Variants in UROC1 observed in about 807,000 individuals in gnomAD.
The protein encoded by UROC1 is urocanate hydratase 1, also known as urocanate hydratase.
A neutral mutation model predicts 89.5 loss-of-function variants in UROC1; 79 were observed. The observed-to-expected ratio is 0.88, with a 90% CI of 0.74 to 1.06. UROC1 has a LOEUF of 1.06. Among genes scored for constraint, UROC1 ranks in the 50% least tolerant of loss-of-function variants. The pLI, the probability that UROC1 is intolerant of heterozygous loss-of-function variation, is 0.00. For missense variants in UROC1, 885 were observed against 907.8 expected, an observed-to-expected ratio of 0.97 and a Z score of 0.32; for synonymous variants, 361 against 354.8, an observed-to-expected ratio of 1.02 and a Z score of -0.20.
chr3:126,517,757 G>A lies in UROC1; in HGVS notation c.-38C>T. On this transcript the variant is annotated 5_prime_UTR_variant, in exon 1 of 20. Coordinates refer to ENST00000290868, the MANE Select transcript of UROC1 (RefSeq NM_144639.3). ...TGGAGGCAGAGGCCAGCACTGTGGGGAGGCCAGGAAGAGACTGGGCAGATA... is the reference window on the plus strand; with the variant it reads ...TGGAGGCAGAGGCCAGCACTGTGGGAAGGCCAGGAAGAGACTGGGCAGATA... 1.3e-6 allele frequency: 2 copies of A among 1,552,676 alleles called. No individual in the cohort carries two copies. Among genetic ancestry groups the A allele is most frequent in the Non-Finnish European group, 1.7e-6 (2 of 1,148,764 alleles).
Position 126,482,011 on chromosome 3 carries a change from G to A in UROC1, c.*334C>T. On this transcript the variant is annotated 3_prime_UTR_variant, in exon 20 of 20. Transcript: ENST00000290868. ...GGCTGGCAGGTGGCCAGGAAGCAGAGGGTGTGATCATCCCAGCCGGAGAGA... is the reference window on the plus strand; with the variant it reads ...GGCTGGCAGGTGGCCAGGAAGCAGAAGGTGTGATCATCCCAGCCGGAGAGA... The A allele has an allele frequency of 2.8e-6, 1 of 359,424 alleles. No individual in the cohort carries two copies. The highest frequency in any genetic ancestry group is 3.2e-5 in the South Asian group (1 of 31,392). The allele number at this position is 359,424 out of a possible 1,614,324, so 22.3% of individuals were successfully genotyped here. A position where few individuals can be genotyped will look rare whatever the true frequency, so the allele number is the denominator to read the frequency against.
Position 126,502,062 on chromosome 3 carries a change from G to GTATGTGTA in UROC1, c.903-790_903-783dup, listed in dbSNP as rs1343239029. ...GACAGTTCCTTAAACTGATTTTGAT[G>GTATGTGTA]TATGTGTATGTGTGTGTGTTCATGT... On this transcript the variant is annotated intron_variant, in intron 9 of 19. Transcript: ENST00000290868. The GTATGTGTA allele has an allele frequency of 8.1e-6, 9 of 1,111,262 alleles. No individual in the cohort carries two copies. The African/African-American group carries it at 9.7e-5, about 12-fold the overall frequency. 68.8% of individuals were successfully genotyped at this position (1,111,262 alleles called of 1,614,324 possible).
chr3:126,510,675 G>A lies in UROC1; in HGVS notation c.246C>T (p.Asp82=). The A allele has an allele frequency of 6.2e-7, 1 of 1,614,104 alleles. No homozygotes were observed. Among genetic ancestry groups the A allele is most frequent in the Non-Finnish European group, 8.5e-7 (1 of 1,180,040 alleles). ...CCCACAAGGCTGACCTCATTTCAAT[G>A]TCGGGGCAAAACCGGTACATGTAGA... is the stretch of plus-strand genomic sequence containing the variant. The part of the protein sequence containing the change: ...GHIYMYRFCP[D]IEMRAYPIEQ... The change falls in exon 2 of 20, where the codon GAC becomes GAT. Residue 82 remains aspartate (D), a synonymous_variant. Transcript: ENST00000290868.
At chr3:126,490,041 A>G (rs1935607160) in intron 16 of UROC1, among the ~76,000 whole-genome samples, 1 of 152,046 alleles carries the variant, frequency 6.6e-6, no homozygotes, top group Non-Finnish European at 1.5e-5. Context: ...CTGGGGGAGT[A>G]TTTGGCAGTA....
At chr3:126,512,791 T>A (rs368615399) in intron 1 of UROC1, among the ~76,000 whole-genome samples, 1 of 152,224 alleles carries the variant, frequency 6.6e-6, no homozygotes, top group East Asian at 1.9e-4. Flanking sequence ...TAGTCTTGTA[T>A]GTAATAGTTG....
chr3:126,507,820 G>T lies in UROC1; in HGVS notation c.541-17C>A, dbSNP rs373943151. 5.6e-6 allele frequency: 9 copies of T among 1,613,988 alleles called. No homozygotes were observed. Among genetic ancestry groups the T allele is most frequent in the Non-Finnish European group, 5.9e-6 (7 of 1,180,000 alleles). On this transcript the variant is annotated splice_polypyrimidine_tract_variant and intron_variant, in intron 5 of 19. Coordinates refer to ENST00000290868, the MANE Select transcript of UROC1 (RefSeq NM_144639.3). ...GGGAATGACCTGGAGAAGAGGATGG[G>T]GGCAGACAGAGGGGCTGAGGGCTTG...
Position 126,507,815 on chromosome 3 carries a change from G to A in UROC1, c.541-12C>T, listed in dbSNP as rs1354794721. 6.2e-7 allele frequency: 1 copy of A among 1,614,008 alleles called. No homozygotes were observed. The highest frequency in any genetic ancestry group is 8.5e-7 in the Non-Finnish European group (1 of 1,180,018). ...TAGTTGGGAATGACCTGGAGAAGAG[G>A]ATGGGGGCAGACAGAGGGGCTGAGG... is the stretch of plus-strand genomic sequence containing the variant. On this transcript the variant is annotated splice_polypyrimidine_tract_variant and intron_variant, in intron 5 of 19. Transcript: ENST00000290868.
At chr3:126,502,808 T>TGTATGTGTGCTTATGTGTG (rs1318463502) in intron 9 of UROC1, among the ~76,000 whole-genome samples, 4 of 151,806 alleles carry the variant, frequency 2.6e-5, no homozygotes, top group Non-Finnish European at 5.9e-5. Context: ...GTGTTCTCTG[T>TGTATGTGTGCTTATGTGTG]GTATGTGTGC....
At position 126,492,386 on chromosome 3, in the gene UROC1, G is replaced by A. The variant is rs766428192; in HGVS notation, c.1608+32C>T. 8.2e-6 allele frequency: 13 copies of A among 1,594,978 alleles called. No individual in the cohort carries two copies. The East Asian group carries it at 1.4e-4, about 17-fold the overall frequency. On this transcript the variant is annotated intron_variant, in intron 16 of 19. Transcript: ENST00000290868. ...GGAAAGGCAGTGGGAAGAGGCTGAG[G>A]GATGCTTCCCCCAGAGCACAGGACA...
At position 126,500,821 on chromosome 3, in the gene UROC1, C is replaced by T; in HGVS notation, c.1019G>A (p.Gly340Glu). The part of the protein sequence containing the change: ...DTTGECLVDL[G>E]SDQTSCHNPF... ...GTTGTGGCAGGATGTCTGATCTGAC[C>T]CCAGGTCCACCAAGCACTCCCCCGT... The change falls in exon 11 of 20, where the codon GGG (glycine) becomes GAG (glutamate). Residue 340 changes from glycine (G) to glutamate (E), a missense_variant. Coordinates refer to ENST00000290868, the MANE Select transcript of UROC1 (RefSeq NM_144639.3). 1 of 1,613,934 alleles carries T rather than the reference C, an allele frequency of 6.2e-7. No homozygotes were observed. The highest frequency in any genetic ancestry group is 8.5e-7 in the Non-Finnish European group (1 of 1,180,020).
rs886335157 is a variant in UROC1, at chr3:126,501,674, A to T, written c.903-394T>A. 5 of 1,235,170 alleles carry T rather than the reference A, an allele frequency of 4.0e-6. No homozygotes were observed. In the South Asian group the frequency reaches 7.5e-5, roughly 19 times the overall value. The allele number at this position is 1,235,170 out of a possible 1,614,324, so 76.5% of individuals were successfully genotyped here. A position where few individuals can be genotyped will look rare whatever the true frequency, so the allele number is the denominator to read the frequency against. ...AAATTATTCGGAAAAATAGGACAGG[A>T]AAAATCAAAGCATATTTTGGGAAAC... On this transcript the variant is annotated intron_variant, in intron 9 of 19. Transcript: ENST00000290868.
intron 18 of UROC1, among the ~76,000 whole-genome samples, chr3:126,483,879 C>CT (rs1935451058): frequency 6.6e-6 from 1 of 152,162 alleles, no homozygotes; most frequent in South Asian, 2.1e-4. Flanking sequence ...CTGGTTTTAT[C>CT]TTTAAAAAAA....
intron 10 of UROC1, 65 bp from the exon 11 acceptor site, chr3:126,500,939 C>G (rs1935905998): frequency 6.3e-7 from 1 of 1,589,566 alleles, no homozygotes; most frequent in South Asian, 1.1e-5. Flanking sequence ...CTGGGGCCAG[C>G]CAGGTGGGGA....
intron 14 of UROC1, among the ~76,000 whole-genome samples, chr3:126,496,612 A>G (rs1334368655): frequency 6.6e-6 from 1 of 152,264 alleles, no homozygotes; most frequent in Admixed American, 6.5e-5. Flanking sequence ...TGGCCTATGC[A>G]GGAGCTACCT....
chr3:126,483,438 G>A lies in UROC1; in HGVS notation c.1821C>T (p.Leu607=), dbSNP rs367900511. 1.1e-4 allele frequency: 173 copies of A among 1,613,726 alleles called. 1 individual carries two copies. Among genetic ancestry groups the A allele is most frequent in the South Asian group, 4.4e-4 (40 of 91,092 alleles). ...CGGCCTCCGGGGTACCGTCCAGCAC[G>A]AGGCCGAATCCCCCGTTGATCACCT... ...WGEVINGGFG[L]VLDGTPEAEG... The change falls in exon 19 of 20, where the codon CTC becomes CTT. Residue 607 remains leucine (L), a synonymous_variant. Coordinates refer to ENST00000290868, the MANE Select transcript of UROC1 (RefSeq NM_144639.3).
intron 2 of UROC1, 109 bp downstream of exon 2, chr3:126,510,555 G>GGA: frequency 1.3e-6 from 2 of 1,522,322 alleles, no homozygotes; most frequent in Non-Finnish European, 8.9e-7. Flanking sequence ...GGACAGACTG[G>GGA]GTTTCCCCCT....
chr3:126,511,493 G>C (rs370748215), intron 1 of UROC1, among the ~76,000 whole-genome samples: 2 of 152,222 alleles, frequency 1.3e-5, no homozygotes, highest in African/African-American at 2.4e-5. Flanking sequence ...AGTGCCAGCC[G>C]CCGCCTCGGG....
At chr3:126,501,436 G>T in intron 9 of UROC1, 156 bp from the exon 10 acceptor site, 2 of 850,542 alleles carry the variant, frequency 2.4e-6, no homozygotes, top group Non-Finnish European at 1.9e-6. Flanking sequence ...CATGAAGCAT[G>T]CCTGCAGGAC....
chr3:126,512,003 T>G (rs1488776208), intron 1 of UROC1, among the ~76,000 whole-genome samples: 2 of 152,246 alleles, frequency 1.3e-5, no homozygotes, highest in Admixed American at 1.3e-4. Flanking sequence ...TCTATTTTTG[T>G]TTAATACTTC....
Sources: gnomAD v4.1 joint callset for allele counts (sites outside exome capture counted in the v4.1 genomes callset) on GRCh38, gnomAD v4.1.1 for gene constraint, MANE v1.5 for transcripts, NCBI Gene and HGNC (gene_info 2026-07-23, HGNC 2026-07-21) for gene names.